The following LMNTD1 variants were observed in gnomAD, a reference collection of about 807,000 sequenced individuals.
LMNTD1 encodes the protein lamin tail domain-containing protein 1.
In LMNTD1, 35 loss-of-function variants were observed where a neutral mutation model predicts 50.9. The observed-to-expected ratio is 0.69, with a 90% CI of 0.53 to 0.91. LMNTD1 has a LOEUF of 0.91. Among genes scored for constraint, LMNTD1 ranks in the 40% least tolerant of loss-of-function variants. The pLI, the probability that LMNTD1 is intolerant of heterozygous loss-of-function variation, is 0.00. For synonymous variants in LMNTD1, 153 were observed against 161.9 expected, an observed-to-expected ratio of 0.94 and a Z score of 0.42; for missense variants, 470 against 475.5, an observed-to-expected ratio of 0.99 and a Z score of 0.11.
intron 8 of LMNTD1, among the ~76,000 whole-genome samples, chr12:25,511,361 G>C (rs1705406): frequency 2.2e-4 from 34 of 151,998 alleles, no homozygotes; most frequent in African/African-American, 7.0e-4. Context: ...GAGAAAGACC[G>C]TTAGGATACC....
intron 8 of LMNTD1, among the ~76,000 whole-genome samples, chr12:25,508,721 T>C (rs1940017860): frequency 6.6e-6 from 1 of 152,212 alleles, no homozygotes; most frequent in Non-Finnish European, 1.5e-5. Flanking sequence ...CGCAGACTTC[T>C]AGTACAATGT....
Position 25,571,524 on chromosome 12 carries a change from C to T in LMNTD1, c.59-24970G>A, listed in dbSNP as rs374428863. Among the ~76,000 whole-genome samples the T allele has an allele frequency of 1.1e-4, 16 of 152,052 alleles. No individual in the cohort carries two copies. The East Asian group carries it at 1.4e-3, about 13-fold the overall frequency. Reference sequence around the variant, plus strand: ...GACTACAGGCACCCACTACCACACCCGGCTAATGTTTTATATTTTTAGTAG... The same window carrying T: ...GACTACAGGCACCCACTACCACACCTGGCTAATGTTTTATATTTTTAGTAG... On this transcript the variant is annotated intron_variant, in intron 1 of 7. Coordinates refer to the LMNTD1 transcript ENST00000445693.
intron 1 of LMNTD1, among the ~76,000 whole-genome samples, chr12:25,597,214 T>C (rs1046329810): frequency 1.3e-5 from 2 of 151,982 alleles, no homozygotes; most frequent in Admixed American, 1.3e-4. Context: ...ATATTGAATG[T>C]AAATGGACTA....
intron 1 of LMNTD1, among the ~76,000 whole-genome samples, chr12:25,620,393 A>T (rs1946445669): frequency 1.3e-5 from 2 of 152,026 alleles, no homozygotes; most frequent in South Asian, 2.1e-4. Flanking sequence ...TTTAAAATAC[A>T]AGTATTTTAA....
chr12:25,579,600 C>G (rs1055109896), intron 1 of LMNTD1, among the ~76,000 whole-genome samples: 7 of 152,136 alleles, frequency 4.6e-5, no homozygotes, highest in African/African-American at 1.7e-4. Context: ...TTCTGTATGG[C>G]ACACTATGCC....
intron 1 of LMNTD1, among the ~76,000 whole-genome samples, chr12:25,635,240 C>A (rs542589718): frequency 5.0e-4 from 57 of 114,074 alleles, no homozygotes; most frequent in South Asian, 8.7e-4. Flanking sequence ...AACTCTGTCT[C>A]AAAAAAAAAA....
rs1939525358 is a variant in LMNTD1, at chr12:25,503,807, A to G, written c.1190-7T>C. 6.5e-7 allele frequency: 1 copy of G among 1,535,502 alleles called. No individual in the cohort carries two copies. The highest frequency in any genetic ancestry group is 8.9e-7 in the Non-Finnish European group (1 of 1,121,888). ...GTCTTCTTTTTCTTAGACCCTGAAA[A>G]TTAAAAAAAATAATTAAAAAAAGGA... On this transcript the variant is annotated splice_polypyrimidine_tract_variant and splice_region_variant and intron_variant, in intron 8 of 9. Transcript: ENST00000458174.
rs574282275 is a variant in LMNTD1, at chr12:25,631,853, G to T, written c.58+16641C>A. Among the ~76,000 whole-genome samples, 61 of 152,236 alleles carry T rather than the reference G, an allele frequency of 4.0e-4. 1 individual carries two copies. In the South Asian group the frequency reaches 0.012, roughly 31 times the overall value. On this transcript the variant is annotated intron_variant, in intron 1 of 7. Coordinates refer to the LMNTD1 transcript ENST00000445693. Reference sequence around the variant, plus strand: ...AGAGGTTAGTTATTAAGCTAATCAGGGAGGGACCAGAGAAAGGTGAAGCCC... The same window carrying T: ...AGAGGTTAGTTATTAAGCTAATCAGTGAGGGACCAGAGAAAGGTGAAGCCC...
intron 6 of LMNTD1, among the ~76,000 whole-genome samples, chr12:25,521,588 A>C (rs186690502): frequency 2.4e-4 from 36 of 152,320 alleles, no homozygotes; most frequent in Admixed American, 7.2e-4. Context: ...CTGTGACTTC[A>C]TGTGTAAAAC....
At chr12:25,590,925 C>T (rs1191692802) in intron 1 of LMNTD1, among the ~76,000 whole-genome samples, 3 of 151,926 alleles carry the variant, frequency 2.0e-5, no homozygotes, top group Non-Finnish European at 4.4e-5. Flanking sequence ...AGCAGCAATA[C>T]CCAGGTACTA....
At chr12:25,522,641 T>C (rs1427800493) in intron 6 of LMNTD1, among the ~76,000 whole-genome samples, 1 of 152,198 alleles carries the variant, frequency 6.6e-6, no homozygotes, top group Non-Finnish European at 1.5e-5. Context: ...CTTCAATGAG[T>C]TCCTATTGTA....
intron 1 of LMNTD1, among the ~76,000 whole-genome samples, chr12:25,594,205 T>C (rs1443475402): frequency 6.6e-6 from 1 of 152,036 alleles, no homozygotes; most frequent in Non-Finnish European, 1.5e-5. Flanking sequence ...TACAAGAAGC[T>C]CAAAGAACAC....
At chr12:25,596,361 A>C (rs1945845623) in intron 1 of LMNTD1, among the ~76,000 whole-genome samples, 1 of 152,170 alleles carries the variant, frequency 6.6e-6, no homozygotes, top group South Asian at 2.1e-4. Context: ...CAACATATCA[A>C]AAAGATAATC....
chr12:25,577,024 G>A (rs1945053222), intron 1 of LMNTD1, among the ~76,000 whole-genome samples: 1 of 152,150 alleles, frequency 6.6e-6, no homozygotes, highest in South Asian at 2.1e-4. Context: ...TTATTTGTGA[G>A]GGCTCTGTTC....
At chr12:25,551,142 C>T (rs1251202650) in intron 2 of LMNTD1, among the ~76,000 whole-genome samples, 2 of 152,200 alleles carry the variant, frequency 1.3e-5, no homozygotes, top group Non-Finnish European at 2.9e-5. Context: ...CAGAGAAATG[C>T]AGAGAAATGC....
intron 4 of LMNTD1, among the ~76,000 whole-genome samples, chr12:25,535,892 C>A (rs553396346): frequency 6.6e-6 from 1 of 152,066 alleles, no homozygotes; most frequent in South Asian, 2.1e-4. Context: ...AAAATATATA[C>A]CATGCTAACA....
chr12:25,618,221 C>A lies in LMNTD1; in HGVS notation c.58+30273G>T, dbSNP rs139111998. ...GACATTTTGATTGATCTCAGCCAAG[C>A]CTGCCCATTAGTCAGTAGGGGAGCT... is the stretch of plus-strand genomic sequence containing the variant. On this transcript the variant is annotated intron_variant, in intron 1 of 7. Transcript: ENST00000445693. Among the ~76,000 whole-genome samples the A allele has an allele frequency of 1.8e-3, 269 of 152,234 alleles. 4 individuals carry two copies. Among genetic ancestry groups the A allele is most frequent in the Middle Eastern group, 0.014 (4 of 294 alleles).
intron 1 of LMNTD1, among the ~76,000 whole-genome samples, chr12:25,622,621 T>C (rs754920152): frequency 3.9e-5 from 6 of 152,208 alleles, no homozygotes; most frequent in Non-Finnish European, 8.8e-5. Flanking sequence ...ATATTATTTG[T>C]ACAACAAATA....
intron 1 of LMNTD1, among the ~76,000 whole-genome samples, chr12:25,610,788 G>A (rs1946223412): frequency 6.6e-6 from 1 of 152,164 alleles, no homozygotes. Flanking sequence ...AGTTTGGACT[G>A]GGAGAATAGT....
Sources: gnomAD v4.1 joint callset for allele counts (sites outside exome capture counted in the v4.1 genomes callset) on GRCh38, gnomAD v4.1.1 for gene constraint, MANE v1.5 for transcripts, NCBI Gene and HGNC (gene_info 2026-07-23, HGNC 2026-07-21) for gene names.